The following RFX3 variants were observed in gnomAD, a reference collection of about 807,000 sequenced individuals.
RFX3 encodes the protein regulatory factor X3.
RFX3 carries 14 observed loss-of-function variants against 98.6 expected under a neutral mutation model. The observed-to-expected ratio is 0.14, with a 90% CI of 0.09 to 0.22. RFX3 has a LOEUF of 0.22. RFX3 is among the 10% of genes least tolerant of loss of function. The pLI, the probability that RFX3 is intolerant of heterozygous loss-of-function variation, is 1.00. For synonymous variants in RFX3, 383 were observed against 328.4 expected, an observed-to-expected ratio of 1.17 and a Z score of -1.80; for missense variants, 639 against 926.9, an observed-to-expected ratio of 0.69 and a Z score of 4.03.
At chr9:3,520,585 G>C (rs1302584517) in intron 1 of RFX3, among the ~76,000 whole-genome samples, 1 of 152,166 alleles carries the variant, frequency 6.6e-6, no homozygotes, top group Non-Finnish European at 1.5e-5. Context: ...GCACACAGTA[G>C]GGCTGGGAAC....
intron 2 of RFX3, among the ~76,000 whole-genome samples, chr9:3,371,912 G>A (rs923550925): frequency 6.6e-6 from 1 of 152,108 alleles, no homozygotes; most frequent in Non-Finnish European, 1.5e-5. Flanking sequence ...TCCCTTTACA[G>A]TTTCAACACT....
At chr9:3,325,836 T>C (rs981065232) in intron 4 of RFX3, among the ~76,000 whole-genome samples, 5 of 152,076 alleles carry the variant, frequency 3.3e-5, no homozygotes, top group Admixed American at 2.0e-4. Context: ...TGTGATTATA[T>C]AGAAAAATAA....
intron 1 of RFX3, among the ~76,000 whole-genome samples, chr9:3,490,943 A>G (rs1850674130): frequency 6.6e-6 from 1 of 152,154 alleles, no homozygotes; most frequent in Non-Finnish European, 1.5e-5. Flanking sequence ...ACTTACATGT[A>G]TGTGTTTATG....
At position 3,248,175 on chromosome 9, in the gene RFX3, T is replaced by C; in HGVS notation, c.1825A>G (p.Ile609Val). Reference sequence around the variant, plus strand: ...GCACTGCGTAAGGTTAAGTCCCGAATAACCATTGAGCTGTTCCAAGAGAAA... The same window carrying C: ...GCACTGCGTAAGGTTAAGTCCCGAACAACCATTGAGCTGTTCCAAGAGAAA... ...LKWSFYSSMV[I>V]RDLTLRSAAS... is the part of the protein sequence containing the mutation. Residue 609 changes from isoleucine to valine, a missense_variant, in exon 15 of 17, where the codon ATT becomes GTT. By Grantham distance (29) the Ile-to-Val change is conservative (BLOSUM62 3). Transcript: ENST00000617270. 6.2e-7 allele frequency: 1 copy of C among 1,609,354 alleles called. No individual in the cohort carries two copies. Among genetic ancestry groups the C allele is most frequent in the Non-Finnish European group, 8.5e-7 (1 of 1,177,010 alleles).
At chr9:3,349,642 CTTTT>C in intron 2 of RFX3, among the ~76,000 whole-genome samples, 1 of 152,088 alleles carries the variant, frequency 6.6e-6, no homozygotes, top group Non-Finnish European at 1.5e-5. Context: ...CATTGCCTTT[CTTTT>C]TCTCTATATC....
intron 11 of RFX3, among the ~76,000 whole-genome samples, 181 bp downstream of exon 11, chr9:3,270,190 G>T (rs640168): frequency 0.98 from 149,802 of 152,128 alleles, 73,797 homozygotes; most frequent in Middle Eastern, 1. Context: ...TAGATCATCT[G>T]TTCCCTTTTA....
At chr9:3,259,261 A>G (rs549531369) in intron 13 of RFX3, among the ~76,000 whole-genome samples, 1 of 152,154 alleles carries the variant, frequency 6.6e-6, no homozygotes, top group East Asian at 1.9e-4. Flanking sequence ...CAAACTCACT[A>G]TTTACTTGGC....
At chr9:3,231,955 C>G (rs992833993) in intron 15 of RFX3, among the ~76,000 whole-genome samples, 2 of 151,920 alleles carry the variant, frequency 1.3e-5, no homozygotes, top group Non-Finnish European at 2.9e-5. Context: ...ATCACTTGAA[C>G]CTGGGAGGCG....
At chr9:3,379,190 C>T (rs1209982183) in intron 2 of RFX3, among the ~76,000 whole-genome samples, 1 of 152,024 alleles carries the variant, frequency 6.6e-6, no homozygotes, top group African/African-American at 2.4e-5. Context: ...TGGGGAGAGA[C>T]ACTAATTACC....
At chr9:3,333,838 T>A (rs1456761585) in intron 3 of RFX3, among the ~76,000 whole-genome samples, 1 of 152,170 alleles carries the variant, frequency 6.6e-6, no homozygotes, top group African/African-American at 2.4e-5. Context: ...AAATAAAACA[T>A]AATAATAGCT....
At chr9:3,507,526 G>C (rs1195602081) in intron 1 of RFX3, among the ~76,000 whole-genome samples, 1 of 151,956 alleles carries the variant, frequency 6.6e-6, no homozygotes, top group Non-Finnish European at 1.5e-5. Flanking sequence ...GGCAGAGCTC[G>C]AATTCACACC....
At chr9:3,232,376 T>C (rs1818585643) in intron 15 of RFX3, among the ~76,000 whole-genome samples, 1 of 152,094 alleles carries the variant, frequency 6.6e-6, no homozygotes, top group African/African-American at 2.4e-5. Context: ...CTATCTTGAG[T>C]ATCACCATCC....
intron 1 of RFX3, among the ~76,000 whole-genome samples, chr9:3,401,765 G>A (rs906721479): frequency 3.3e-5 from 5 of 152,118 alleles, no homozygotes; most frequent in African/African-American, 4.8e-5. Context: ...TTAAGCAGTT[G>A]GACACACCCG....
At chr9:3,364,003 G>A (rs1427108683) in intron 2 of RFX3, among the ~76,000 whole-genome samples, 2 of 152,220 alleles carry the variant, frequency 1.3e-5, no homozygotes, top group African/African-American at 4.8e-5. Context: ...AGCCTTCTGA[G>A]TAGCTGGGAC....
At chr9:3,276,101 AT>A (rs1825177311) in intron 8 of RFX3, among the ~76,000 whole-genome samples, 1 of 152,162 alleles carries the variant, frequency 6.6e-6, no homozygotes, top group South Asian at 2.1e-4. Flanking sequence ...ATTTGATGTG[AT>A]GGATGATGCT....
intron 1 of RFX3, chr9:3,469,182 C>A: frequency 2.2e-6 from 1 of 455,664 alleles, no homozygotes; most frequent in East Asian, 7.0e-5. Context: ...AAATACATGT[C>A]CAAAGTTGAA....
chr9:3,522,595 T>A (rs2133946243), intron 1 of RFX3, among the ~76,000 whole-genome samples: 1 of 151,234 alleles, frequency 6.6e-6, no homozygotes, highest in East Asian at 1.9e-4. Context: ...GTGTAACTTT[T>A]GCCACACATC....
Position 3,222,527 on chromosome 9 carries a change from A to G in RFX3, c.*2515T>C, listed in dbSNP as rs1032049130. 1.3e-5 allele frequency: 2 copies of G among 152,196 alleles called. No individual in the cohort carries two copies. Among genetic ancestry groups the G allele is most frequent in the Non-Finnish European group, 2.9e-5 (2 of 68,016 alleles). 9.4% of individuals were successfully genotyped at this position (152,196 alleles called of 1,614,324 possible). A position where few individuals can be genotyped will look rare whatever the true frequency, so the allele number is the denominator to read the frequency against. Reference sequence around the variant, plus strand: ...TAATAAATACATTTAAAGTCATTCAATAAACAAAATGAAACCAGTAAATAC... The same window carrying G: ...TAATAAATACATTTAAAGTCATTCAGTAAACAAAATGAAACCAGTAAATAC... On this transcript the variant is annotated 3_prime_UTR_variant, in exon 17 of 17. Transcript: ENST00000617270.
chr9:3,342,724 T>C (rs572314053), intron 3 of RFX3, among the ~76,000 whole-genome samples: 2 of 152,278 alleles, frequency 1.3e-5, no homozygotes, highest in Admixed American at 6.5e-5. Flanking sequence ...GAACTCTCTC[T>C]ACATGGTATG....
Sources: allele counts gnomAD v4.1 joint callset (sites outside exome capture counted in the v4.1 genomes callset), GRCh38; gene constraint gnomAD v4.1.1; transcripts MANE v1.5; gene names NCBI Gene and HGNC (gene_info 2026-07-23, HGNC 2026-07-21).